Variants in PRELID2 observed in about 807,000 individuals in gnomAD.
PRELID2 encodes PRELI domain-containing protein 2.
In PRELID2, 25 loss-of-function variants were observed where a neutral mutation model predicts 28.4. The ratio of observed to expected loss-of-function variants is 0.88; its 90% CI spans 0.64 to 1.23. PRELID2 has a LOEUF of 1.23. Ranked by LOEUF, PRELID2 falls within the 50% of genes most tolerant of loss-of-function variation. PRELID2 has a pLI of 0.00. For synonymous variants in PRELID2, 76 were observed against 71.6 expected (o/e 1.06, Z -0.31); for missense variants, 201 against 214.4 (o/e 0.94, Z 0.39).
At chr5:145,640,261 C>T (rs974882527) in intron 1 of PRELID2, among the ~76,000 whole-genome samples, 7 of 151,722 alleles carry the variant, frequency 4.6e-5, no homozygotes, top group Admixed American at 1.3e-4. Flanking sequence ...CCGAGGCGGG[C>T]GGATCACGAG....
intron 1 of PRELID2, among the ~76,000 whole-genome samples, chr5:145,568,174 C>A (rs1752984668): frequency 1.3e-5 from 2 of 152,302 alleles, no homozygotes; most frequent in Non-Finnish European, 2.9e-5. Flanking sequence ...ACTCGCCAAT[C>A]AAACTACTCA....
intron 1 of PRELID2, among the ~76,000 whole-genome samples, chr5:145,721,863 G>C (rs1755999685): frequency 6.6e-6 from 1 of 152,094 alleles, no homozygotes; most frequent in Non-Finnish European, 1.5e-5. Context: ...TAACAAAAAA[G>C]CACTTTAATG....
At chr5:145,418,168 A>C in the PRELID2 span, among the ~76,000 whole-genome samples, 685 of 152,290 alleles carry the variant, frequency 4.5e-3, 3 homozygotes, top group African/African-American at 0.016. Flanking sequence ...ATACCTAGGA[A>C]TACAGATAAC....
the PRELID2 span, among the ~76,000 whole-genome samples, chr5:145,377,173 T>C: frequency 6.6e-6 from 1 of 152,210 alleles, no homozygotes; most frequent in African/African-American, 2.4e-5. Context: ...AGAAGGTTAT[T>C]CAATTTCCAT....
chr5:145,775,980 T>G (rs1758382189), intron 5 of PRELID2, among the ~76,000 whole-genome samples: 1 of 152,148 alleles, frequency 6.6e-6, no homozygotes, highest in Admixed American at 6.5e-5. Context: ...AAAATCTCTA[T>G]ATGCAGATAA....
At chr5:145,415,730 A>G in the PRELID2 span, among the ~76,000 whole-genome samples, 18 of 151,660 alleles carry the variant, frequency 1.2e-4, no homozygotes, top group Middle Eastern at 3.4e-3. Context: ...GAATAGTGCC[A>G]CAATAAACAT....
intron 3 of PRELID2, 22 bp from the exon 4 acceptor site, chr5:145,818,076 G>T (rs1270214916): frequency 1.2e-6 from 2 of 1,608,712 alleles, no homozygotes; most frequent in Admixed American, 1.7e-5. Flanking sequence ...AAAGAAAATG[G>T]CTTTTTCAAT....
chr5:145,390,682 G>A, the PRELID2 span, among the ~76,000 whole-genome samples: 6 of 152,002 alleles, frequency 3.9e-5, no homozygotes, highest in East Asian at 3.9e-4. Flanking sequence ...TCAAAACACC[G>A]TCATCCCTTT....
downstream of PRELID2, among the ~76,000 whole-genome samples, chr5:145,470,853 C>T (rs1455912785): frequency 2.0e-5 from 3 of 152,040 alleles, no homozygotes; most frequent in Admixed American, 2.0e-4. Flanking sequence ...GAAGTATCTG[C>T]CACTGTCAAG....
chr5:145,553,701 A>T (rs371452878), intron 1 of PRELID2, among the ~76,000 whole-genome samples: 1 of 152,250 alleles, frequency 6.6e-6, no homozygotes, highest in South Asian at 2.1e-4. Context: ...GTTTTATATA[A>T]TATAGTGGGT....
intron 4 of PRELID2, among the ~76,000 whole-genome samples, chr5:145,813,816 T>TA (rs889479189): frequency 6.6e-6 from 1 of 152,206 alleles, no homozygotes; most frequent in African/African-American, 2.4e-5. Flanking sequence ...CAAACCTTCT[T>TA]ATACAGAAGT....
chr5:145,504,329 G>T (rs1268197930), intron 1 of PRELID2, among the ~76,000 whole-genome samples: 1 of 152,132 alleles, frequency 6.6e-6, no homozygotes, highest in African/African-American at 2.4e-5. Flanking sequence ...GGCATATAAA[G>T]GACTTTTATT....
At chr5:145,334,047 C>T in the PRELID2 span, among the ~76,000 whole-genome samples, 1 of 152,022 alleles carries the variant, frequency 6.6e-6, no homozygotes. Flanking sequence ...TTCCCTTGTC[C>T]TTCCTGGGTG....
At chr5:145,753,221 GGCTGCTATTTTCTCTCTGCT>G (rs562806501), downstream of PRELID2, among the ~76,000 whole-genome samples, 1,059 of 152,240 alleles carry the variant, frequency 7.0e-3, 9 homozygotes, top group Non-Finnish European at 7.7e-3. Flanking sequence ...ACAGGATAGT[GGCTGCTATTTTCTCTCTGCT>G]GCCTCTAGCA....
chr5:145,293,484 C>T, the PRELID2 span, among the ~76,000 whole-genome samples: 1 of 152,110 alleles, frequency 6.6e-6, no homozygotes, highest in Non-Finnish European at 1.5e-5. Context: ...CCACCTTGCT[C>T]ACAAGTATAG....
intron 1 of PRELID2, among the ~76,000 whole-genome samples, chr5:145,741,547 ATAAT>A (rs1291719041): frequency 8.3e-6 from 1 of 120,382 alleles, no homozygotes; most frequent in Non-Finnish European, 1.6e-5. Context: ...TTATTTATAA[ATAAT>A]TTATTTATAT....
At chr5:145,667,713 A>G (rs1287324962) in intron 1 of PRELID2, among the ~76,000 whole-genome samples, 1 of 152,066 alleles carries the variant, frequency 6.6e-6, no homozygotes, top group African/African-American at 2.4e-5. Context: ...TCACTTAGGC[A>G]AGTTATTTCA....
intron 1 of PRELID2, among the ~76,000 whole-genome samples, chr5:145,538,847 T>G (rs1752722563): frequency 6.6e-6 from 1 of 151,846 alleles, no homozygotes; most frequent in African/African-American, 2.4e-5. Flanking sequence ...CTTCAGTGAA[T>G]GAAGCAAATT....
the PRELID2 span, among the ~76,000 whole-genome samples, chr5:145,259,029 G>A: frequency 6.6e-6 from 1 of 152,184 alleles, no homozygotes; most frequent in Admixed American, 6.5e-5. Flanking sequence ...TGCCTCTCAG[G>A]CCACTGCTTC....
Sources: gnomAD v4.1 joint callset for allele counts (sites outside exome capture counted in the v4.1 genomes callset) on GRCh38, gnomAD v4.1.1 for gene constraint, MANE v1.5 for transcripts, NCBI Gene and HGNC (gene_info 2026-07-23, HGNC 2026-07-21) for gene names.